The following CIMIP6 variants were observed in gnomAD, a reference collection of about 807,000 sequenced individuals.
The protein encoded by CIMIP6 is ciliary microtubule inner protein 6.
chr2:54,333,809 C>G, the CIMIP6 span, among the ~76,000 whole-genome samples: 2 of 152,136 alleles, frequency 1.3e-5, no homozygotes, highest in Non-Finnish European at 2.9e-5. Context: ...AGGAGAATCA[C>G]TTGAACCTGG....
the CIMIP6 span, chr2:54,360,325 G>T: frequency 6.2e-7 from 1 of 1,611,548 alleles, no homozygotes; most frequent in African/African-American, 1.3e-5. Flanking sequence ...AAAAAACAGA[G>T]AAAGGAAACT....
the CIMIP6 span, chr2:54,334,734 A>G: frequency 3.2e-6 from 3 of 951,784 alleles, no homozygotes; most frequent in South Asian, 3.5e-5. Context: ...TGTTTGTAGT[A>G]TATTTAAATC....
At chr2:54,360,749 G>A in the CIMIP6 span, 1 of 567,926 alleles carries the variant, frequency 1.8e-6, no homozygotes, top group Non-Finnish European at 2.9e-6. Flanking sequence ...TCTCCAATAA[G>A]TGGAGTGAGA....
At chr2:54,333,713 A>T in the CIMIP6 span, among the ~76,000 whole-genome samples, 1 of 151,780 alleles carries the variant, frequency 6.6e-6, no homozygotes, top group Non-Finnish European at 1.5e-5. Flanking sequence ...ACATGACGAA[A>T]CCCTGTCTCT....
chr2:54,367,617 T>G, the CIMIP6 span, among the ~76,000 whole-genome samples: 4 of 152,062 alleles, frequency 2.6e-5, no homozygotes, highest in African/African-American at 9.7e-5. Context: ...AACATGGCCC[T>G]AGGAAAGGGT....
chr2:54,360,312 C>G, the CIMIP6 span: 1 of 1,611,644 alleles, frequency 6.2e-7, no homozygotes, highest in Non-Finnish European at 8.5e-7. Context: ...TCAGAACAGT[C>G]CAAAAAAACA....
chr2:54,364,090 G>T, the CIMIP6 span, among the ~76,000 whole-genome samples: 1 of 152,122 alleles, frequency 6.6e-6, no homozygotes, highest in South Asian at 2.1e-4. Context: ...CCATTGTGTG[G>T]GAAATCTGTA....
chr2:54,355,887 A>G, the CIMIP6 span, among the ~76,000 whole-genome samples: 2 of 152,156 alleles, frequency 1.3e-5, no homozygotes, highest in East Asian at 1.9e-4. Flanking sequence ...TTCACACAGT[A>G]TATGTTTTAA....
At chr2:54,363,369 C>G in the CIMIP6 span, among the ~76,000 whole-genome samples, 1 of 152,086 alleles carries the variant, frequency 6.6e-6, no homozygotes, top group African/African-American at 2.4e-5. Flanking sequence ...TTCTCCAGCC[C>G]CAGTGTATGA....
chr2:54,356,370 G>A, the CIMIP6 span, among the ~76,000 whole-genome samples: 1 of 152,250 alleles, frequency 6.6e-6, no homozygotes, highest in East Asian at 1.9e-4. Flanking sequence ...GTGGCCCTGG[G>A]CAAGCATGAT....
chr2:54,360,607 A>G, the CIMIP6 span: 1 of 1,434,966 alleles, frequency 7.0e-7, no homozygotes, highest in Non-Finnish European at 9.2e-7. Context: ...ATATAGGGAA[A>G]TTTCACAATC....
chr2:54,372,971 A>G, the CIMIP6 span, among the ~76,000 whole-genome samples: 421 of 151,992 alleles, frequency 2.8e-3, 3 homozygotes, highest in African/African-American at 9.7e-3. Context: ...GGTCCCTCTG[A>G]GTCCTCTTTT....
the CIMIP6 span, among the ~76,000 whole-genome samples, chr2:54,358,454 C>T: frequency 6.6e-6 from 1 of 151,926 alleles, no homozygotes; most frequent in Admixed American, 6.6e-5. Flanking sequence ...CAGGCTGAAG[C>T]ACAGTGGTGC....
the CIMIP6 span, among the ~76,000 whole-genome samples, chr2:54,373,112 T>C: frequency 6.6e-6 from 1 of 152,092 alleles, no homozygotes; most frequent in Middle Eastern, 3.2e-3. Context: ...CTGGAACTGG[T>C]CTTTCCAGAT....
the CIMIP6 span, among the ~76,000 whole-genome samples, chr2:54,380,659 C>G: frequency 6.6e-6 from 1 of 152,230 alleles, no homozygotes; most frequent in Non-Finnish European, 1.5e-5. Context: ...CCCCTAACTG[C>G]AGGGCCACAT....
the CIMIP6 span, among the ~76,000 whole-genome samples, chr2:54,370,739 G>T: frequency 6.6e-6 from 1 of 152,194 alleles, no homozygotes; most frequent in Non-Finnish European, 1.5e-5. Flanking sequence ...GAATGGAGGG[G>T]TGGGCTGTGA....
the CIMIP6 span, chr2:54,335,049 A>G: frequency 6.5e-7 from 1 of 1,531,668 alleles, no homozygotes; most frequent in Non-Finnish European, 8.8e-7. Flanking sequence ...CATTGTATAC[A>G]AATAGAGATT....
chr2:54,371,686 C>T, the CIMIP6 span, among the ~76,000 whole-genome samples: 18 of 152,308 alleles, frequency 1.2e-4, no homozygotes, highest in East Asian at 3.5e-3. Context: ...GCAGCCCAGG[C>T]GGCATCTCCT....
chr2:54,378,011 C>T, the CIMIP6 span, among the ~76,000 whole-genome samples: 18 of 152,310 alleles, frequency 1.2e-4, no homozygotes, highest in East Asian at 2.7e-3. Context: ...TTCTCTTTAA[C>T]GTGTGCCCAT....
Sources: gnomAD v4.1 joint callset for allele counts (sites outside exome capture counted in the v4.1 genomes callset) on GRCh38, gnomAD v4.1.1 for gene constraint, MANE v1.5 for transcripts, NCBI Gene and HGNC (gene_info 2026-07-23, HGNC 2026-07-21) for gene names.